TENM2: variants seen among roughly 807,000 people sequenced by gnomAD.
The protein encoded by TENM2 is teneurin transmembrane protein 2.
TENM2 carries 52 observed loss-of-function variants against 245.2 expected under a neutral mutation model. The observed-to-expected ratio is 0.21, with a 90% CI of 0.17 to 0.27. The LOEUF (loss-of-function observed/expected upper bound fraction) is 0.27, where lower values mean the gene tolerates loss of function less well. Among genes scored for constraint, TENM2 ranks in the 10% least tolerant of loss-of-function variants. TENM2 has a pLI of 1.00. For missense variants in TENM2, 3,046 were observed against 3,666.8 expected (o/e 0.83, Z 4.37); for synonymous variants, 1,363 against 1,438.9 (o/e 0.95, Z 1.19).
At chr5:167,346,021 G>A (rs536925651) in intron 1 of TENM2, among the ~76,000 whole-genome samples, 2 of 151,970 alleles carry the variant, frequency 1.3e-5, no homozygotes, top group African/African-American at 2.4e-5. Flanking sequence ...AACGTGTAAC[G>A]ACATTTTGCC....
At position 167,394,569 on chromosome 5, in the gene TENM2, TATG is replaced by T. The variant is rs1456912092; in HGVS notation, c.502+19097_502+19099del. On this transcript the variant is annotated intron_variant, in intron 2 of 28. Transcript: ENST00000518659. ...ACTTATAAATAAATATAAATAAATGTATGTATGTATTTATTTAGTTAGTTAGTT... is the reference window on the plus strand; with the variant it reads ...ACTTATAAATAAATATAAATAAATGTTATGTATTTATTTAGTTAGTTAGTT... 1.6e-3 allele frequency among the ~76,000 whole-genome samples: 219 copies of T among 139,050 alleles called. 2 individuals carry two copies. The highest frequency in any genetic ancestry group is 4.8e-3 in the African/African-American group (166 of 34,944). The allele number at this position is 139,050 out of a possible 152,430, so 91.2% of individuals were successfully genotyped here.
chr5:167,562,059 A>T (rs1773627253), intron 2 of TENM2, among the ~76,000 whole-genome samples: 1 of 152,086 alleles, frequency 6.6e-6, no homozygotes, highest in South Asian at 2.1e-4. Flanking sequence ...TCGCTCTTGG[A>T]AGGGATGGCT....
chr5:167,790,231 A>G (rs994716970), intron 2 of TENM2, among the ~76,000 whole-genome samples: 5 of 152,122 alleles, frequency 3.3e-5, no homozygotes, highest in African/African-American at 4.8e-5. Context: ...TCTGTTTCTA[A>G]GACTGTTTAA....
chr5:167,746,191 C>T (rs759507921), intron 2 of TENM2, among the ~76,000 whole-genome samples: 3 of 152,120 alleles, frequency 2.0e-5, no homozygotes, highest in African/African-American at 4.8e-5. Flanking sequence ...CTCTATTACT[C>T]CCTAACAAAA....
At chr5:167,279,794 T>C in the TENM2 span, among the ~76,000 whole-genome samples, 1 of 152,168 alleles carries the variant, frequency 6.6e-6, no homozygotes, top group African/African-American at 2.4e-5. Context: ...AGACTTTCTG[T>C]TTTCCATTTG....
At chr5:167,137,628 T>A in the TENM2 span, among the ~76,000 whole-genome samples, 2 of 152,188 alleles carry the variant, frequency 1.3e-5, no homozygotes, top group East Asian at 1.9e-4. Context: ...TACCTTAGAA[T>A]ATATCAAGAG....
chr5:167,617,681 G>T (rs2127763179), intron 2 of TENM2, among the ~76,000 whole-genome samples: 1 of 152,220 alleles, frequency 6.6e-6, no homozygotes, highest in Non-Finnish European at 1.5e-5. Context: ...CTTCGTGTTT[G>T]AACAGTCTTT....
chr5:167,394,504 C>G (rs749095608), intron 2 of TENM2, among the ~76,000 whole-genome samples: 1 of 152,004 alleles, frequency 6.6e-6, no homozygotes, highest in Non-Finnish European at 1.5e-5. Context: ...CAGTATCATA[C>G]TGTTTTGAAC....
chr5:167,586,446 T>C (rs1356385747), intron 2 of TENM2, among the ~76,000 whole-genome samples: 1 of 152,188 alleles, frequency 6.6e-6, no homozygotes, highest in Admixed American at 6.5e-5. Flanking sequence ...TTAAATGATT[T>C]CAATGTATAA....
rs150397345 is a variant in TENM2, at chr5:167,554,578, C to T, written c.502+179105C>T. Reference sequence around the variant, plus strand: ...CACTTCCAATGGCCACCATTCTAAGCGACTTTTATGGTTAATTCTCATAAC... The same window carrying T: ...CACTTCCAATGGCCACCATTCTAAGTGACTTTTATGGTTAATTCTCATAAC... On this transcript the variant is annotated intron_variant, in intron 2 of 28. Coordinates refer to ENST00000518659, the Ensembl canonical transcript of TENM2. Among the ~76,000 whole-genome samples, 275 of 152,298 alleles carry T rather than the reference C, an allele frequency of 1.8e-3. 2 individuals carry two copies. The highest frequency in any genetic ancestry group is 6.4e-3 in the African/African-American group (266 of 41,574).
chr5:167,770,545 T>C (rs1369146283), intron 2 of TENM2, among the ~76,000 whole-genome samples: 1 of 152,198 alleles, frequency 6.6e-6, no homozygotes, highest in Non-Finnish European at 1.5e-5. Context: ...ACTAACTTCA[T>C]TCCTTACTTA....
chr5:167,803,875 G>A (rs1172633636), intron 2 of TENM2, among the ~76,000 whole-genome samples: 1 of 152,016 alleles, frequency 6.6e-6, no homozygotes, highest in Non-Finnish European at 1.5e-5. Context: ...GCTTGCCCTA[G>A]CTCCTGCCCA....
chr5:167,185,023 A>G, the TENM2 span, among the ~76,000 whole-genome samples: 3 of 152,182 alleles, frequency 2.0e-5, no homozygotes, highest in Non-Finnish European at 4.4e-5. Context: ...GGCAGAACTC[A>G]GCTTCTTCAC....
intron 2 of TENM2, among the ~76,000 whole-genome samples, chr5:167,805,339 T>A (rs116774501): frequency 0.013 from 1,984 of 152,294 alleles, 48 homozygotes; most frequent in African/African-American, 0.043. Context: ...TTGGCTCTCC[T>A]GAGAAATTTT....
chr5:167,276,350 T>TG, the TENM2 span, among the ~76,000 whole-genome samples: 13 of 143,626 alleles, frequency 9.1e-5, no homozygotes, highest in African/African-American at 3.4e-4. Flanking sequence ...AGCCTGTTCA[T>TG]TTTGTGTGTG....
chr5:167,125,670 T>C, the TENM2 span, among the ~76,000 whole-genome samples: 7 of 152,210 alleles, frequency 4.6e-5, no homozygotes, highest in Non-Finnish European at 2.9e-5. Context: ...TACACACGCA[T>C]ATACAGAAGT....
At chr5:167,713,402 T>G (rs1759039410) in intron 2 of TENM2, among the ~76,000 whole-genome samples, 1 of 151,510 alleles carries the variant, frequency 6.6e-6, no homozygotes, top group African/African-American at 2.4e-5. Flanking sequence ...ACTTGGCTGG[T>G]ACTATCTTCC....
At position 167,331,740 on chromosome 5, in the gene TENM2, C is replaced by T. The variant is rs980055860; in HGVS notation, c.227-43458C>T. 3.9e-5 allele frequency among the ~76,000 whole-genome samples: 6 copies of T among 152,184 alleles called. No homozygotes were observed. In the South Asian group the frequency reaches 8.3e-4, roughly 21 times the overall value. ...AGTGAGACCCATTAAATGTGAGCACCGTTGAGTCAAGCTGCATATAATTAT... is the reference window on the plus strand; with the variant it reads ...AGTGAGACCCATTAAATGTGAGCACTGTTGAGTCAAGCTGCATATAATTAT... On this transcript the variant is annotated intron_variant, in intron 1 of 28. Coordinates refer to ENST00000518659, the Ensembl canonical transcript of TENM2.
chr5:167,535,564 G>A (rs1176233564), intron 2 of TENM2, among the ~76,000 whole-genome samples: 4 of 152,136 alleles, frequency 2.6e-5, no homozygotes, highest in Non-Finnish European at 5.9e-5. Flanking sequence ...ATTCAGACAC[G>A]ATGACTACAC....
Sources: gnomAD v4.1 joint callset for allele counts (sites outside exome capture counted in the v4.1 genomes callset) on GRCh38, gnomAD v4.1.1 for gene constraint, MANE v1.5 for transcripts, NCBI Gene and HGNC (gene_info 2026-07-23, HGNC 2026-07-21) for gene names.